ADAMTS2: variants seen among roughly 807,000 people sequenced by gnomAD.
ADAMTS2 encodes the protein ADAM metallopeptidase with thrombospondin type 1 motif 2.
A neutral mutation model predicts 123.0 loss-of-function variants in ADAMTS2; 50 were observed. The ratio of observed to expected loss-of-function variants is 0.41; its 90% confidence interval spans 0.32 to 0.51. ADAMTS2 has a LOEUF of 0.51. ADAMTS2 is among the 20% of genes least tolerant of loss of function. The pLI is 0.35. For synonymous variants in ADAMTS2, 678 were observed against 695.4 expected (o/e 0.98, Z 0.39); for missense variants, 1,494 against 1,705.2 (o/e 0.88, Z 2.18).
intron 5 of ADAMTS2, among the ~76,000 whole-genome samples, chr5:179,179,926 T>G (rs1025946401): frequency 2.0e-5 from 3 of 152,158 alleles, no homozygotes; most frequent in African/African-American, 7.2e-5. Flanking sequence ...TTGATCCTAT[T>G]ATGATTTGAT....
In ADAMTS2 at chr5:179,170,278, G is replaced by C. The variant is rs1763788278; in HGVS notation, c.975+10794C>G. 6.6e-6 allele frequency among the ~76,000 whole-genome samples: 1 copy of C among 152,172 alleles called. No individual in the cohort carries two copies. Among genetic ancestry groups the C allele is most frequent in the African/African-American group, 2.4e-5 (1 of 41,446 alleles). On this transcript the variant is annotated intron_variant, in intron 5 of 21. Coordinates refer to ENST00000251582, the MANE Select transcript of ADAMTS2 (RefSeq NM_014244.5). The surrounding 1 kb of genome is among the most constrained non-coding windows in gnomAD (Gnocchi z 4.3). ...GGGGACAGGCAATGGGGGAGCGGCA[G>C]GTGGGGAGCTGGTCTATTTCTGTCA...
rs116130524 is a variant in ADAMTS2, at chr5:179,113,051, G to A, written c.*816C>T. On this transcript the variant is annotated 3_prime_UTR_variant, in exon 22 of 22. Coordinates refer to ENST00000251582, the MANE Select transcript of ADAMTS2 (RefSeq NM_014244.5). ...GACTCGGTCGAGACATTCAGATGCCGTACAGCATGAGCACCAAGAAGGTCA... is the reference window on the plus strand; with the variant it reads ...GACTCGGTCGAGACATTCAGATGCCATACAGCATGAGCACCAAGAAGGTCA... 993 of 152,572 alleles carry A rather than the reference G, an allele frequency of 6.5e-3. 2 individuals are homozygous for A. Among genetic ancestry groups the A allele is most frequent in the African/African-American group, 9.8e-3 (408 of 41,584 alleles). The allele number at this position is 152,572 out of a possible 1,614,324, so 9.5% of individuals were successfully genotyped here.
intron 2 of ADAMTS2, among the ~76,000 whole-genome samples, chr5:179,333,049 G>A (rs1297494814): frequency 1.3e-5 from 2 of 152,186 alleles, no homozygotes; most frequent in Non-Finnish European, 1.5e-5. Flanking sequence ...ATGCGACGGC[G>A]GCTGCCTTCC....
intron 3 of ADAMTS2, among the ~76,000 whole-genome samples, chr5:179,227,801 G>A (rs1581205402): frequency 1.3e-5 from 2 of 151,890 alleles, no homozygotes; most frequent in African/African-American, 2.4e-5. Flanking sequence ...AGAGATGGCC[G>A]AGGCCGGGAG....
intron 4 of ADAMTS2, among the ~76,000 whole-genome samples, chr5:179,182,374 C>T (rs528652617): frequency 1.1e-4 from 17 of 152,278 alleles, no homozygotes; most frequent in African/African-American, 3.9e-4. Context: ...ACATACTTCC[C>T]GGAGCCTGCT....
chr5:179,263,928 A>G (rs1766296793), intron 3 of ADAMTS2, among the ~76,000 whole-genome samples: 2 of 152,352 alleles, frequency 1.3e-5, no homozygotes, highest in South Asian at 4.1e-4. Flanking sequence ...TTTTTATAGA[A>G]AATATTTCAG....
At position 179,188,965 on chromosome 5, in the gene ADAMTS2, C is replaced by A. The variant is rs570700642; in HGVS notation, c.892-7810G>T. Among the ~76,000 whole-genome samples, 1 of 152,146 alleles carries A rather than the reference C, an allele frequency of 6.6e-6. No individual in the cohort carries two copies. Among genetic ancestry groups the A allele is most frequent in the Non-Finnish European group, 1.5e-5 (1 of 68,036 alleles). ...CGACGGCAAGAGGCTGCCCCTCCCC[C>A]TCTCCTGAATTTGGGGGGTTAGCAG... On this transcript the variant is annotated intron_variant, in intron 4 of 21. Transcript: ENST00000251582. This position sits in a 1 kb window ranked among gnomAD's most constrained non-coding sequence, Gnocchi z 5.1.
intron 2 of ADAMTS2, among the ~76,000 whole-genome samples, chr5:179,327,969 G>C (rs182692040): frequency 2.0e-5 from 3 of 152,280 alleles, no homozygotes; most frequent in Admixed American, 2.0e-4. Context: ...AAAATAAATA[G>C]AGAAACTCAT....
At chr5:179,286,223 A>T (rs1237847587) in intron 2 of ADAMTS2, among the ~76,000 whole-genome samples, 100 of 150,920 alleles carry the variant, frequency 6.6e-4, no homozygotes, top group African/African-American at 2.3e-3. Flanking sequence ...TCTCAAAAAA[A>T]AAAAAAAAAA....
chr5:179,235,986 C>T (rs1200484179), intron 3 of ADAMTS2, among the ~76,000 whole-genome samples: 3 of 152,240 alleles, frequency 2.0e-5, no homozygotes, highest in Non-Finnish European at 4.4e-5. Context: ...GGTCTAGCTG[C>T]CACTAAACAG....
chr5:179,131,067 T>C (rs1762952037), intron 15 of ADAMTS2, among the ~76,000 whole-genome samples: 2 of 151,788 alleles, frequency 1.3e-5, no homozygotes, highest in South Asian at 2.1e-4. Flanking sequence ...AATCCCAGCA[T>C]TTTGGGAGGC....
At chr5:179,122,872 G>C in intron 19 of ADAMTS2, 99 bp from the exon 20 acceptor site, 2 of 1,518,990 alleles carry the variant, frequency 1.3e-6, no homozygotes, top group South Asian at 2.4e-5. Flanking sequence ...TGACCCATGC[G>C]CTCAGGAGGA....
At chr5:179,176,647 C>T (rs1370671767) in intron 5 of ADAMTS2, among the ~76,000 whole-genome samples, 1 of 152,202 alleles carries the variant, frequency 6.6e-6, no homozygotes, top group Non-Finnish European at 1.5e-5. Context: ...CATTTGATGG[C>T]AGTGACTGTC....
At position 179,132,365 on chromosome 5, in the gene ADAMTS2, T is replaced by C; in HGVS notation, c.2210-55A>G. 2 of 1,549,658 alleles carry C rather than the reference T, an allele frequency of 1.3e-6. No homozygotes were observed. The highest frequency in any genetic ancestry group is 2.2e-5 in the East Asian group (1 of 44,466). ...CTGAGAAGGGAAGGCGCCGCTCAAA[T>C]TCGCACCATGCAAGGAGGGGCCTCG... On this transcript the variant is annotated intron_variant, in intron 14 of 21. Transcript: ENST00000251582. The surrounding 1 kb of genome is among the most constrained non-coding windows in gnomAD (Gnocchi z 6.1).
chr5:179,167,904 A>T (rs1303799067), intron 5 of ADAMTS2, among the ~76,000 whole-genome samples: 1 of 152,184 alleles, frequency 6.6e-6, no homozygotes, highest in Non-Finnish European at 1.5e-5. Flanking sequence ...CTGATGGAGT[A>T]TAACACCAGT....
chr5:179,129,810 G>T lies in ADAMTS2; in HGVS notation c.2457+122C>A. On this transcript the variant is annotated intron_variant, in intron 16 of 21. Coordinates refer to ENST00000251582, the MANE Select transcript of ADAMTS2 (RefSeq NM_014244.5). This position sits in a 1 kb window ranked among gnomAD's most constrained non-coding sequence, Gnocchi z 4.1. ...TCGGAGCCCCTTGGTGCCAAAGGCA[G>T]GCCAAAGGGGCCACGCAGAGTGTCA... is the stretch of plus-strand genomic sequence containing the variant. The T allele has an allele frequency of 7.4e-7, 1 of 1,357,522 alleles. No individual in the cohort carries two copies. Among genetic ancestry groups the T allele is most frequent in the Non-Finnish European group, 1.0e-6 (1 of 988,402 alleles). The allele number at this position is 1,357,522 out of a possible 1,614,324, so 84.1% of individuals were successfully genotyped here.
At chr5:179,267,364 C>T (rs369377376) in intron 3 of ADAMTS2, among the ~76,000 whole-genome samples, 7 of 152,358 alleles carry the variant, frequency 4.6e-5, no homozygotes, top group East Asian at 1.9e-4. Context: ...GAGAGGCTCC[C>T]GTGGTGGCGT....
intron 5 of ADAMTS2, among the ~76,000 whole-genome samples, chr5:179,178,269 C>G (rs527974646): frequency 1.5e-4 from 4 of 27,224 alleles, no homozygotes; most frequent in African/African-American, 5.9e-4. Context: ...ATCCCCCCCG[C>G]ACCTCCCCGC....
chr5:179,270,480 G>T (rs901161496), intron 3 of ADAMTS2, among the ~76,000 whole-genome samples: 2 of 152,128 alleles, frequency 1.3e-5, no homozygotes, highest in Non-Finnish European at 2.9e-5. Context: ...ATATATCAGG[G>T]TTCCCTCAGA....
Sources: gnomAD v4.1 joint callset for allele counts (sites outside exome capture counted in the v4.1 genomes callset) on GRCh38, gnomAD v4.1.1 for gene constraint, Gnocchi (gnomAD v3.1) non-coding constraint, MANE v1.5 for transcripts, NCBI Gene and HGNC (gene_info 2026-07-23, HGNC 2026-07-21) for gene names.